FA2H: variants seen among roughly 807,000 people sequenced by gnomAD.
FA2H encodes fatty acid alpha-hydroxylase.
A neutral mutation model predicts 44.9 loss-of-function variants in FA2H; 22 were observed. That is an observed-to-expected ratio of 0.49 (90% confidence interval 0.35 to 0.70). FA2H has a LOEUF of 0.70. Among genes scored for constraint, FA2H ranks in the 30% least tolerant of loss-of-function variants. FA2H has a pLI of 0.01. For missense variants in FA2H, 501 were observed against 504.9 expected, an observed-to-expected ratio of 0.99 and a Z score of 0.07; for synonymous variants, 243 against 213.2, an observed-to-expected ratio of 1.14 and a Z score of -1.22.
At chr16:74,748,784 G>C (rs752193129) in intron 1 of FA2H, among the ~76,000 whole-genome samples, 57 of 152,236 alleles carry the variant, frequency 3.7e-4, no homozygotes, top group Non-Finnish European at 7.2e-4. Flanking sequence ...GGCTGGGGGC[G>C]GGGGCGCCGG....
chr16:74,750,761 C>CTGTGTGTGTGTGTGTG (rs55799456), intron 1 of FA2H, among the ~76,000 whole-genome samples: 33,371 of 141,398 alleles, frequency 0.24, 4,421 homozygotes, highest in Non-Finnish European at 0.3. Context: ...TTTTTTTTCA[C>CTGTGTGTGTGTGTGTG]TGTGTGTGTG....
chr16:74,716,414 G>C lies in FA2H; in HGVS notation c.972C>G (p.His324Gln). ...TCAGGCTGTACAGGTAGGAGCCCTT[G>C]TGCGGCGAGCCAAAGTGCAGGTAGT... ...THYYLHFGSP[H>Q]KGSYLYSLKA... The change falls in exon 6 of 7, where the codon CAC (histidine) becomes CAG (glutamine). Residue 324 changes from histidine (H) to glutamine (Q), a missense_variant. Coordinates refer to ENST00000219368, the MANE Select transcript of FA2H (RefSeq NM_024306.5). The C allele has an allele frequency of 6.2e-7, 1 of 1,614,078 alleles. No homozygotes were observed. Among genetic ancestry groups the C allele is most frequent in the Non-Finnish European group, 8.5e-7 (1 of 1,180,022 alleles).
chr16:74,746,237 G>A (rs912828707), intron 1 of FA2H, among the ~76,000 whole-genome samples: 24 of 151,834 alleles, frequency 1.6e-4, no homozygotes, highest in African/African-American at 5.8e-4. Context: ...AGGGTTGTCA[G>A]ACCTTCAGAT....
intron 1 of FA2H, among the ~76,000 whole-genome samples, chr16:74,750,805 C>G (rs1962514434): frequency 4.5e-5 from 3 of 67,042 alleles, no homozygotes; most frequent in Non-Finnish European, 1.0e-4. Flanking sequence ...GAGACAGGGT[C>G]TCGCTCTGTC....
rs1196845317 is a variant in FA2H, at chr16:74,712,999, A to C, written c.*1191T>G. On this transcript the variant is annotated 3_prime_UTR_variant, in exon 7 of 7. Coordinates refer to ENST00000219368, the MANE Select transcript of FA2H (RefSeq NM_024306.5). Reference sequence around the variant, plus strand: ...AGTGTTTTATTTTTCAAAATATACAATTTAAGTTTTTATTTCACAACCGTA... The same window carrying C: ...AGTGTTTTATTTTTCAAAATATACACTTTAAGTTTTTATTTCACAACCGTA... The C allele has an allele frequency of 6.6e-6, 1 of 152,616 alleles. No homozygotes were observed. Among genetic ancestry groups the C allele is most frequent in the African/African-American group, 2.4e-5 (1 of 41,438 alleles). The allele number at this position is 152,616 out of a possible 1,614,324, so 9.5% of individuals were successfully genotyped here.
At chr16:74,755,859 A>G (rs546521183) in intron 1 of FA2H, among the ~76,000 whole-genome samples, 16 of 150,750 alleles carry the variant, frequency 1.1e-4, no homozygotes, top group African/African-American at 3.7e-4. Context: ...CCCCCTACTA[A>G]GCGTAATTTT....
chr16:74,741,812 G>A (rs372772048), intron 1 of FA2H, among the ~76,000 whole-genome samples: 1,545 of 62,332 alleles, frequency 0.025, 7 homozygotes, highest in East Asian at 0.054. Flanking sequence ...ATATATATGT[G>A]TGTGTGTGTG....
At chr16:74,753,068 A>G (rs984672786) in intron 1 of FA2H, among the ~76,000 whole-genome samples, 3 of 152,048 alleles carry the variant, frequency 2.0e-5, no homozygotes, top group African/African-American at 7.2e-5. Context: ...AGCTGAAGGG[A>G]CTCCTTGCCC....
At chr16:74,747,218 G>A (rs1962440268) in intron 1 of FA2H, among the ~76,000 whole-genome samples, 1 of 152,056 alleles carries the variant, frequency 6.6e-6, no homozygotes, top group Non-Finnish European at 1.5e-5. Flanking sequence ...GGCTGAGGCA[G>A]GAGAATTGCT....
Position 74,714,250 on chromosome 16 carries a change from T to C in FA2H, c.1059A>G (p.Lys353=), listed in dbSNP as rs1206666736. The C allele has an allele frequency of 2.6e-6, 4 of 1,562,128 alleles. No individual in the cohort carries two copies. Among genetic ancestry groups the C allele is most frequent in the East Asian group, 2.4e-5 (1 of 41,828 alleles). Residue 353 remains lysine (K), a synonymous_variant, in exon 7 of 7, where the codon AAA becomes AAG. Transcript: ENST00000219368. The stretch of plus-strand genomic sequence containing the variant: ...GGGTGTGGAAACAGTAATCCCACAA[T>C]TTAGTGCTGATACCAAATCCTAGAG... ...HQKSGFGIST[K]LWDYCFHTLT...
intron 4 of FA2H, among the ~76,000 whole-genome samples, chr16:74,723,953 G>C (rs968025759): frequency 1.1e-4 from 17 of 152,064 alleles, no homozygotes; most frequent in African/African-American, 3.6e-4. Flanking sequence ...CCAGGCTAGA[G>C]TGCAGTGGCA....
intron 2 of FA2H, among the ~76,000 whole-genome samples, chr16:74,734,430 G>A (rs1220209142): frequency 6.6e-6 from 1 of 152,264 alleles, no homozygotes; most frequent in Non-Finnish European, 1.5e-5. Flanking sequence ...CCCGACCAAC[G>A]GGCCGGGGCC....
chr16:74,741,117 G>C (rs241369), intron 1 of FA2H: 140,623 of 152,342 alleles, frequency 0.92, 64,956 homozygotes, highest in South Asian at 0.98. Context: ...TGACGTCACG[G>C]AGGGTGAGGC....
chr16:74,723,704 G>C (rs1478074166), intron 4 of FA2H, among the ~76,000 whole-genome samples: 2 of 152,092 alleles, frequency 1.3e-5, no homozygotes, highest in East Asian at 3.9e-4. Flanking sequence ...GGTCCATAAG[G>C]TCATTCCGGT....
chr16:74,769,785 C>T (rs528708363), intron 1 of FA2H, among the ~76,000 whole-genome samples: 26 of 152,198 alleles, frequency 1.7e-4, no homozygotes. Flanking sequence ...GCACTGCTCT[C>T]GCCTGAGCTT....
chr16:74,770,984 T>G (rs1312807287), intron 1 of FA2H, among the ~76,000 whole-genome samples: 1 of 152,052 alleles, frequency 6.6e-6, no homozygotes, highest in Non-Finnish European at 1.5e-5. Context: ...GCTAGGTGGT[T>G]AGCAGAGCTG....
chr16:74,720,073 G>T (rs1597541459), intron 4 of FA2H, among the ~76,000 whole-genome samples: 1 of 150,538 alleles, frequency 6.6e-6, no homozygotes, highest in East Asian at 2.0e-4. Context: ...TCCGGAGACA[G>T]CCTGCAGTCC....
At chr16:74,731,183 T>C (rs537443322) in intron 2 of FA2H, among the ~76,000 whole-genome samples, 4 of 151,854 alleles carry the variant, frequency 2.6e-5, no homozygotes, top group African/African-American at 9.6e-5. Context: ...GAGAAGGAGT[T>C]TCACTCTTTT....
At chr16:74,761,805 A>T (rs77328594) in intron 1 of FA2H, among the ~76,000 whole-genome samples, 3,553 of 152,302 alleles carry the variant, frequency 0.023, 144 homozygotes, top group African/African-American at 0.082. Flanking sequence ...AAAATAGAAA[A>T]CTTCATGAAG....
Sources: allele counts gnomAD v4.1 joint callset (sites outside exome capture counted in the v4.1 genomes callset), GRCh38; gene constraint gnomAD v4.1.1; transcripts MANE v1.5; gene names NCBI Gene and HGNC (gene_info 2026-07-23, HGNC 2026-07-21).